KMT5A: variants seen among roughly 807,000 people sequenced by gnomAD.
The protein encoded by KMT5A is N-lysine methyltransferase KMT5A.
Under a neutral mutation model 40.6 loss-of-function variants are expected in KMT5A, and 6 were observed. That is an observed-to-expected ratio of 0.15 (90% confidence interval 0.08 to 0.29). The LOEUF (loss-of-function observed/expected upper bound fraction) is 0.29. Among genes scored for constraint, KMT5A ranks in the 10% least tolerant of loss-of-function variants. The pLI, the probability that KMT5A is intolerant of heterozygous loss-of-function variation, is 1.00. For synonymous variants in KMT5A, 153 were observed against 178.8 expected, an observed-to-expected ratio of 0.86 and a Z score of 1.15; for missense variants, 308 against 459.1, an observed-to-expected ratio of 0.67 and a Z score of 3.01.
intron 6 of KMT5A, 45 bp from the exon 7 acceptor site, chr12:123,404,839 A>C: frequency 6.4e-7 from 1 of 1,573,866 alleles, no homozygotes; most frequent in Non-Finnish European, 8.6e-7. Flanking sequence ...GCACAGTGGC[A>C]TCCATTGCTA....
intron 5 of KMT5A, among the ~76,000 whole-genome samples, chr12:123,399,452 CCT>C (rs1007844426): frequency 1.3e-5 from 2 of 152,236 alleles, no homozygotes; most frequent in African/African-American, 4.8e-5. Flanking sequence ...GCATCTCCTA[CCT>C]GCCGTGTTTG....
chr12:123,386,805 CT>C (rs1467016920), intron 1 of KMT5A, among the ~76,000 whole-genome samples: 1 of 152,080 alleles, frequency 6.6e-6, no homozygotes. Context: ...ATTTTGCCAT[CT>C]TCAGTTCATT....
At chr12:123,390,536 T>A (rs1877222860) in intron 2 of KMT5A, 94 bp from the exon 3 acceptor site, 4 of 1,470,048 alleles carry the variant, frequency 2.7e-6, no homozygotes, top group African/African-American at 2.8e-5. Flanking sequence ...AAAACGGTGT[T>A]GTCTGATTTT....
rs1260144111 is a variant in KMT5A, at chr12:123,408,502, A to G, written c.*799A>G. On this transcript the variant is annotated 3_prime_UTR_variant, in exon 8 of 8. Coordinates refer to ENST00000402868, the MANE Select transcript of KMT5A (RefSeq NM_020382.7). ...ATAATAAAAATTTAAAAAAATTAAA[A>G]ATAAAAAAAACCACAGAAAACAACT... The G allele has an allele frequency of 6.8e-6, 1 of 147,938 alleles. No homozygotes were observed. The highest frequency in any genetic ancestry group is 1.5e-5 in the Non-Finnish European group (1 of 67,732). 9.2% of individuals were successfully genotyped at this position (147,938 alleles called of 1,614,324 possible).
intron 2 of KMT5A, 82 bp downstream of exon 2, chr12:123,389,636 C>T: frequency 2.1e-6 from 2 of 967,562 alleles, no homozygotes; most frequent in East Asian, 9.6e-5. Context: ...CGGGTACCCG[C>T]CCGGGGCGCC....
At chr12:123,407,162 A>T (rs965894974) in intron 7 of KMT5A, among the ~76,000 whole-genome samples, 1 of 151,838 alleles carries the variant, frequency 6.6e-6, no homozygotes, top group Non-Finnish European at 1.5e-5. Context: ...ATATAGGGAG[A>T]TCTTGTCTCT....
At chr12:123,399,960 A>T (rs1196526409) in intron 5 of KMT5A, among the ~76,000 whole-genome samples, 4 of 151,994 alleles carry the variant, frequency 2.6e-5, no homozygotes. Context: ...AGTACCTGGG[A>T]TTACAGGCGC....
intron 5 of KMT5A, among the ~76,000 whole-genome samples, chr12:123,401,200 G>C (rs1180614180): frequency 3.0e-5 from 4 of 131,848 alleles, no homozygotes; most frequent in African/African-American, 1.2e-4. Flanking sequence ...CAAGGCTGGA[G>C]TGCAGTGGCG....
intron 5 of KMT5A, among the ~76,000 whole-genome samples, chr12:123,400,405 C>T (rs1377665386): frequency 2.0e-5 from 3 of 150,012 alleles, no homozygotes; most frequent in South Asian, 2.1e-4. Flanking sequence ...CTGTAGCCCG[C>T]GCTGGAGTGC....
intron 3 of KMT5A, chr12:123,390,995 A>G: frequency 1.8e-6 from 1 of 566,774 alleles, no homozygotes. Context: ...CTTTCACAAG[A>G]GTTAGCATAT....
intron 3 of KMT5A, chr12:123,391,126 G>A: frequency 3.9e-6 from 1 of 254,528 alleles, no homozygotes; most frequent in Admixed American, 5.0e-5. Context: ...CCAGGCAATT[G>A]CAGACCTAAC....
chr12:123,390,272 C>A, intron 2 of KMT5A: 1 of 398,156 alleles, frequency 2.5e-6, no homozygotes, highest in South Asian at 1.9e-5. Flanking sequence ...GCGGCTCCTG[C>A]CAGGGCAGTG....
chr12:123,390,514 C>T, intron 2 of KMT5A, 116 bp from the exon 3 acceptor site: 1 of 1,307,786 alleles, frequency 7.6e-7, no homozygotes, highest in Admixed American at 2.1e-5. Context: ...CCCCTGGTAG[C>T]CCAGTTTTTG....
At position 123,407,808 on chromosome 12, in the gene KMT5A, T is replaced by A. The variant is rs1878670882; in HGVS notation, c.*105T>A. 1.4e-6 allele frequency: 1 copy of A among 702,020 alleles called. No individual in the cohort carries two copies. The highest frequency in any genetic ancestry group is 2.7e-5 in the Admixed American group (1 of 36,490). The allele number at this position is 702,020 out of a possible 1,614,324, so 43.5% of individuals were successfully genotyped here. On this transcript the variant is annotated 3_prime_UTR_variant, in exon 8 of 8. Coordinates refer to ENST00000402868, the MANE Select transcript of KMT5A (RefSeq NM_020382.7). The stretch of plus-strand genomic sequence containing the variant: ...TTTTACACACTTAATCTTAGCGGAT[T>A]ACTTCAGATGTTTTTAAAAAGTATA...
At chr12:123,393,558 GAGA>G (rs778543154) in intron 3 of KMT5A, among the ~76,000 whole-genome samples, 4 of 151,488 alleles carry the variant, frequency 2.6e-5, no homozygotes, top group South Asian at 2.1e-4. Context: ...TTTTATTTTT[GAGA>G]AGGAGTCTCT....
intron 5 of KMT5A, among the ~76,000 whole-genome samples, chr12:123,398,146 A>C (rs1322400442): frequency 1.3e-5 from 2 of 151,928 alleles, no homozygotes; most frequent in Non-Finnish European, 1.5e-5. Context: ...GCCAGGCATG[A>C]TGGCAGGTGC....
In KMT5A at chr12:123,408,612, G is replaced by T. The variant is rs1370616763; in HGVS notation, c.*909G>T. ...GCTTTTTTTTGCTTTTTGTAGAAGA[G>T]ATTGAGAATGGTACTCTAATCAAAA... On this transcript the variant is annotated 3_prime_UTR_variant, in exon 8 of 8. Coordinates refer to ENST00000402868, the MANE Select transcript of KMT5A (RefSeq NM_020382.7). 7.5e-6 allele frequency: 1 copy of T among 132,918 alleles called. No individual in the cohort carries two copies. The allele number at this position is 132,918 out of a possible 1,614,324, so 8.2% of individuals were successfully genotyped here. A position where few individuals can be genotyped will look rare whatever the true frequency, so the allele number is the denominator to read the frequency against.
intron 5 of KMT5A, among the ~76,000 whole-genome samples, chr12:123,402,700 G>T (rs534911928): frequency 2.6e-5 from 4 of 152,310 alleles, no homozygotes; most frequent in Admixed American, 2.6e-4. Context: ...GGCCTTAGAG[G>T]AGAGGTGGAT....
chr12:123,398,011 A>T (rs1053141682), intron 5 of KMT5A, among the ~76,000 whole-genome samples: 1 of 150,012 alleles, frequency 6.7e-6, no homozygotes. Context: ...GGCCAGGTGC[A>T]GTGGCTCACA....
Sources: allele counts gnomAD v4.1 joint callset (sites outside exome capture counted in the v4.1 genomes callset), GRCh38; gene constraint gnomAD v4.1.1; transcripts MANE v1.5; gene names NCBI Gene and HGNC (gene_info 2026-07-23, HGNC 2026-07-21).